The following DOCK8 variants were observed in gnomAD, a reference collection of about 807,000 sequenced individuals.
DOCK8 encodes the protein dedicator of cytokinesis 8.
A neutral mutation model predicts 245.6 loss-of-function variants in DOCK8; 141 were observed. The ratio of observed to expected loss-of-function variants is 0.57; its 90% confidence interval spans 0.50 to 0.66. The LOEUF (loss-of-function observed/expected upper bound fraction) is 0.66, where lower values mean the gene tolerates loss of function less well. DOCK8 is among the 30% of genes least tolerant of loss of function. The probability of loss-of-function intolerance (pLI) is 0.00; values close to 1 mark genes in which losing one functional copy is unlikely to be tolerated. For synonymous variants in DOCK8, 1,168 were observed against 970.2 expected (o/e 1.20, Z -3.79); for missense variants, 2,965 against 2,603.4 (o/e 1.14, Z -3.02).
chr9:276,040 G>A (rs1308390845), intron 2 of DOCK8, among the ~76,000 whole-genome samples: 1 of 151,694 alleles, frequency 6.6e-6, no homozygotes, highest in Non-Finnish European at 1.5e-5. Flanking sequence ...ACAGGCAGCT[G>A]CCGCCATGTC....
intron 1 of DOCK8, among the ~76,000 whole-genome samples, chr9:226,920 TAGCC>T (rs2047002073): frequency 6.6e-6 from 1 of 152,212 alleles, no homozygotes; most frequent in African/African-American, 2.4e-5. Flanking sequence ...AAGTTTTTAA[TAGCC>T]AGAAAGCTAT....
chr9:377,948 G>C (rs75794932), intron 20 of DOCK8, among the ~76,000 whole-genome samples: 1 of 152,152 alleles, frequency 6.6e-6, no homozygotes, highest in South Asian at 2.1e-4. Flanking sequence ...GGCTGGTATA[G>C]GGCATCTTTA....
At chr9:223,456 A>T (rs1468747781) in intron 1 of DOCK8, among the ~76,000 whole-genome samples, 1 of 152,006 alleles carries the variant, frequency 6.6e-6, no homozygotes, top group Non-Finnish European at 1.5e-5. Context: ...AAAGAAAGGC[A>T]CTTTCCCTGG....
intron 1 of DOCK8, among the ~76,000 whole-genome samples, chr9:251,395 AG>A (rs1166818914): frequency 6.6e-6 from 1 of 152,232 alleles, no homozygotes; most frequent in African/African-American, 2.4e-5. Context: ...TATCCATGAA[AG>A]GATTAATGAT....
At chr9:216,875 G>A (rs1233113430) in intron 1 of DOCK8, among the ~76,000 whole-genome samples, 3 of 152,068 alleles carry the variant, frequency 2.0e-5, no homozygotes, top group Non-Finnish European at 4.4e-5. Flanking sequence ...GTCACCTGGG[G>A]GTTAAGAATA....
intron 4 of DOCK8, among the ~76,000 whole-genome samples, chr9:293,728 A>G (rs973150469): frequency 9.9e-5 from 15 of 152,182 alleles, no homozygotes; most frequent in African/African-American, 3.6e-4. Flanking sequence ...CTTCATTTGG[A>G]TGAGTTTCCA....
chr9:326,222 T>G (rs531088111), intron 8 of DOCK8, among the ~76,000 whole-genome samples: 15 of 152,216 alleles, frequency 9.9e-5, no homozygotes, highest in Non-Finnish European at 1.9e-4. Flanking sequence ...TTTTAATGTT[T>G]AGTCATTTTG....
At chr9:300,878 A>T (rs1422231378) in intron 4 of DOCK8, among the ~76,000 whole-genome samples, 1 of 152,160 alleles carries the variant, frequency 6.6e-6, no homozygotes, top group Non-Finnish European at 1.5e-5. Context: ...AAAAGCCCTT[A>T]ATCAGATGGA....
chr9:338,594 A>C (rs1430620238), intron 12 of DOCK8, among the ~76,000 whole-genome samples: 1 of 152,214 alleles, frequency 6.6e-6, no homozygotes, highest in Non-Finnish European at 1.5e-5. Context: ...TGTTCGAGAC[A>C]AATGTGAAGA....
chr9:371,689 A>G (rs2053292416), intron 17 of DOCK8, 123 bp downstream of exon 17: 9 of 1,323,974 alleles, frequency 6.8e-6, no homozygotes, highest in Non-Finnish European at 8.5e-6. Context: ...AAAACATGCT[A>G]AGCCACATTA....
At chr9:443,308 A>G in intron 42 of DOCK8, 119 bp from the exon 43 acceptor site, 1 of 976,934 alleles carries the variant, frequency 1.0e-6, no homozygotes, top group Non-Finnish European at 1.6e-6. Context: ...AGGAACTCTC[A>G]ATAATCAGTG....
At chr9:313,495 A>G (rs117471859) in intron 6 of DOCK8, among the ~76,000 whole-genome samples, 203 of 152,294 alleles carry the variant, frequency 1.3e-3, no homozygotes, top group Admixed American at 2.4e-3. Context: ...AGCAGCCTCA[A>G]ATGGTCTTCT....
At chr9:327,368 T>G (rs533247438) in intron 8 of DOCK8, among the ~76,000 whole-genome samples, 1 of 151,972 alleles carries the variant, frequency 6.6e-6, no homozygotes, top group Non-Finnish European at 1.5e-5. Context: ...CTGTAGTTAG[T>G]TACATGTTTA....
At chr9:311,093 C>T (rs1467987694) in intron 5 of DOCK8, among the ~76,000 whole-genome samples, 2 of 152,028 alleles carry the variant, frequency 1.3e-5, no homozygotes, top group Non-Finnish European at 2.9e-5. Flanking sequence ...TCAGACCAGC[C>T]TGGACAATAT....
chr9:409,033 C>T (rs1269416462), intron 28 of DOCK8, among the ~76,000 whole-genome samples: 1 of 152,190 alleles, frequency 6.6e-6, no homozygotes, highest in Admixed American at 6.5e-5. Flanking sequence ...TACACTGTCA[C>T]AACTTCATCA....
chr9:382,714 G>A (rs146742861), intron 22 of DOCK8, 29 bp downstream of exon 22: 6 of 1,612,910 alleles, frequency 3.7e-6, no homozygotes, highest in Non-Finnish European at 5.1e-6. Flanking sequence ...CGTGGAAGGG[G>A]ACACAGGCTT....
rs910384933 is a variant in DOCK8, at chr9:286,660, A to T, written c.332+24A>T. On this transcript the variant is annotated intron_variant, in intron 3 of 47. Transcript: ENST00000432829. The stretch of plus-strand genomic sequence containing the variant: ...GGGTAAATAGTTTTCTAAAATGTAG[A>T]TGTGATTGGGATTGTCATGATTGTT... 3 of 1,611,370 alleles carry T rather than the reference A, an allele frequency of 1.9e-6. No individual in the cohort carries two copies. In the East Asian group the frequency reaches 6.7e-5, roughly 36 times the overall value.
chr9:391,141 T>C (rs567282906), intron 24 of DOCK8, among the ~76,000 whole-genome samples: 1 of 152,302 alleles, frequency 6.6e-6, no homozygotes, highest in East Asian at 1.9e-4. Context: ...ATTCTCTTCC[T>C]GCTCCCTAAC....
At chr9:262,278 A>G (rs1231820032) in intron 1 of DOCK8, among the ~76,000 whole-genome samples, 2 of 151,916 alleles carry the variant, frequency 1.3e-5, no homozygotes, top group Non-Finnish European at 2.9e-5. Context: ...TGGAACACTG[A>G]TTATGGGAGT....
Sources: allele counts gnomAD v4.1 joint callset (sites outside exome capture counted in the v4.1 genomes callset), GRCh38; gene constraint gnomAD v4.1.1; transcripts MANE v1.5; gene names NCBI Gene and HGNC (gene_info 2026-07-23, HGNC 2026-07-21).